PTPRO: variants seen among roughly 807,000 people sequenced by gnomAD.
The protein encoded by PTPRO is protein tyrosine phosphatase receptor type O, also known as receptor-type tyrosine-protein phosphatase O.
Under a neutral mutation model 145.2 loss-of-function variants are expected in PTPRO, and 62 were observed. The observed-to-expected ratio is 0.43, with a 90% CI of 0.35 to 0.53. The LOEUF (loss-of-function observed/expected upper bound fraction) is 0.53. Among genes scored for constraint, PTPRO ranks in the 20% least tolerant of loss-of-function variants. PTPRO has a pLI of 0.01. For synonymous variants in PTPRO, 565 were observed against 514.7 expected (o/e 1.10, Z -1.32); for missense variants, 1,345 against 1,482.7 (o/e 0.91, Z 1.53).
intron 12 of PTPRO, among the ~76,000 whole-genome samples, chr12:15,528,051 A>C (rs530468603): frequency 6.6e-6 from 1 of 152,312 alleles, no homozygotes; most frequent in Admixed American, 6.5e-5. Flanking sequence ...TTTTTAAATC[A>C]AACAAATTCT....
At chr12:15,338,505 T>C (rs1449155242) in intron 1 of PTPRO, among the ~76,000 whole-genome samples, 6 of 152,160 alleles carry the variant, frequency 3.9e-5, no homozygotes, top group African/African-American at 1.4e-4. Context: ...ACGTTGTATA[T>C]TGGACTATAT....
rs1392769617 is a variant in PTPRO, at chr12:15,589,452, C to T, written c.3411-3C>T. On this transcript the variant is annotated splice_polypyrimidine_tract_variant and splice_region_variant and intron_variant, in intron 24 of 26. Coordinates refer to ENST00000281171, the MANE Select transcript of PTPRO (RefSeq NM_030667.3). The stretch of plus-strand genomic sequence containing the variant: ...AATATGCCATCGGAACATTCTTTTG[C>T]AGTGCTGGCGTGGGACGGACAGGAA... 1 of 1,613,736 alleles carries T rather than the reference C, an allele frequency of 6.2e-7. No individual in the cohort carries two copies. The highest frequency in any genetic ancestry group is 8.5e-7 in the Non-Finnish European group (1 of 1,179,934).
intron 14 of PTPRO, among the ~76,000 whole-genome samples, chr12:15,550,828 A>G (rs1234513018): frequency 2.0e-5 from 3 of 152,202 alleles, no homozygotes; most frequent in South Asian, 2.1e-4. Flanking sequence ...TATTAAACCT[A>G]TGTTCCTGCC....
intron 16 of PTPRO, among the ~76,000 whole-genome samples, chr12:15,559,912 T>C (rs1301104236): frequency 2.0e-5 from 3 of 152,140 alleles, no homozygotes; most frequent in Admixed American, 6.5e-5. Context: ...GAATGCAAAA[T>C]GTAATCACCT....
At chr12:15,343,731 C>T (rs935349445) in intron 1 of PTPRO, among the ~76,000 whole-genome samples, 7 of 152,144 alleles carry the variant, frequency 4.6e-5, no homozygotes, top group Non-Finnish European at 1.0e-4. Context: ...TCTGGAGTCT[C>T]GCTCTGTCGC....
intron 1 of PTPRO, among the ~76,000 whole-genome samples, chr12:15,374,931 C>T (rs1938636630): frequency 2.0e-5 from 3 of 152,132 alleles, no homozygotes; most frequent in South Asian, 4.1e-4. Flanking sequence ...GATGTTGAGC[C>T]CCTGTACCAG....
chr12:15,392,720 C>CAAAAAAAAAAAA (rs1177789187), intron 1 of PTPRO, among the ~76,000 whole-genome samples: 4 of 66,682 alleles, frequency 6.0e-5, no homozygotes, highest in East Asian at 4.9e-4. Flanking sequence ...GACCCTGTCT[C>CAAAAAAAAAAAA]AAAAAAAAAA....
chr12:15,474,926 G>A (rs529197305), intron 1 of PTPRO, among the ~76,000 whole-genome samples: 1 of 152,202 alleles, frequency 6.6e-6, no homozygotes, highest in Non-Finnish European at 1.5e-5. Context: ...CACTTGGCCT[G>A]CTGTCTTCCT....
At chr12:15,490,428 CTATAT>C (rs1195179700) in intron 2 of PTPRO, among the ~76,000 whole-genome samples, 1 of 152,118 alleles carries the variant, frequency 6.6e-6, no homozygotes, top group African/African-American at 2.4e-5. Context: ...ATGATAATGG[CTATAT>C]TATAATTAAA....
intron 7 of PTPRO, among the ~76,000 whole-genome samples, chr12:15,510,793 G>T (rs550445002): frequency 7.2e-5 from 11 of 152,124 alleles, no homozygotes; most frequent in African/African-American, 2.6e-4. Flanking sequence ...CCAATGGAAA[G>T]AAGATTACAT....
intron 1 of PTPRO, among the ~76,000 whole-genome samples, chr12:15,364,026 A>G (rs1256803210): frequency 6.6e-6 from 1 of 152,210 alleles, no homozygotes; most frequent in East Asian, 1.9e-4. Flanking sequence ...CATTTAACTT[A>G]TGTCACATTT....
intron 18 of PTPRO, among the ~76,000 whole-genome samples, chr12:15,567,562 T>C (rs913912302): frequency 2.6e-5 from 4 of 152,110 alleles, no homozygotes; most frequent in Non-Finnish European, 4.4e-5. Context: ...ATTAATACTT[T>C]GTCTGGTTTG....
At chr12:15,565,769 G>T in intron 18 of PTPRO, 141 bp downstream of exon 18, 1 of 622,494 alleles carries the variant, frequency 1.6e-6, no homozygotes, top group South Asian at 1.9e-5. Flanking sequence ...GCACAATAAT[G>T]TACTGGTTGT....
chr12:15,588,536 G>A (rs1944477081), intron 24 of PTPRO, among the ~76,000 whole-genome samples: 1 of 152,088 alleles, frequency 6.6e-6, no homozygotes, highest in African/African-American at 2.4e-5. Context: ...GCTGAGACTG[G>A]GTCCAAATTT....
At chr12:15,465,852 T>C (rs1019810387) in intron 1 of PTPRO, among the ~76,000 whole-genome samples, 2 of 152,112 alleles carry the variant, frequency 1.3e-5, no homozygotes, top group African/African-American at 4.8e-5. Context: ...AGGTTTTGAG[T>C]GCTAAGCTAA....
chr12:15,597,559 A>G lies in PTPRO; in HGVS notation c.*1486A>G, dbSNP rs1944682253. ...TTATCAGTGACCTTAGTGTTGGTGA[A>G]GGATGCCAAATGAACAGCTCTGCAC... On this transcript the variant is annotated 3_prime_UTR_variant, in exon 27 of 27. Coordinates refer to ENST00000281171, the MANE Select transcript of PTPRO (RefSeq NM_030667.3). 6.6e-6 allele frequency among the ~76,000 whole-genome samples: 1 copy of G among 152,198 alleles called. No homozygotes were observed. The highest frequency in any genetic ancestry group is 6.5e-5 in the Admixed American group (1 of 15,282).
intron 4 of PTPRO, among the ~76,000 whole-genome samples, chr12:15,500,680 G>A (rs1160674099): frequency 6.6e-6 from 1 of 152,178 alleles, no homozygotes; most frequent in Non-Finnish European, 1.5e-5. Context: ...CCAGCACTTT[G>A]GGAGGCCGAG....
chr12:15,561,755 A>G (rs1943777696), intron 17 of PTPRO, among the ~76,000 whole-genome samples: 1 of 152,152 alleles, frequency 6.6e-6, no homozygotes, highest in African/African-American at 2.4e-5. Flanking sequence ...TAAAATACTA[A>G]CAGCAAATAC....
chr12:15,551,750 C>G, intron 15 of PTPRO, 79 bp downstream of exon 15: 1 of 1,491,630 alleles, frequency 6.7e-7, no homozygotes. Flanking sequence ...TTTTTGCACA[C>G]CTAAGTTGTA....
Sources: gnomAD v4.1 joint callset for allele counts (sites outside exome capture counted in the v4.1 genomes callset) on GRCh38, gnomAD v4.1.1 for gene constraint, MANE v1.5 for transcripts, NCBI Gene and HGNC (gene_info 2026-07-23, HGNC 2026-07-21) for gene names.